Variants in GOLGA6L9 observed in about 807,000 individuals in gnomAD.
The protein encoded by GOLGA6L9 is golgin A6 family like 9.
In GOLGA6L9, 19 loss-of-function variants were observed where a neutral mutation model predicts 51.3. That is an observed-to-expected ratio of 0.37 (90% confidence interval 0.26 to 0.54). The LOEUF is 0.54. Among genes scored for constraint, GOLGA6L9 ranks in the 20% least tolerant of loss-of-function variants. The pLI, the probability that GOLGA6L9 is intolerant of heterozygous loss-of-function variation, is 0.83. For synonymous variants in GOLGA6L9, 97 were observed against 184.2 expected (o/e 0.53, Z 3.83); for missense variants, 247 against 464.1 (o/e 0.53, Z 4.30).
chr15:82,435,085 C>T, intron 7 of GOLGA6L9, 156 bp downstream of exon 7: 2 of 466,634 alleles, frequency 4.3e-6, no homozygotes, highest in African/African-American at 2.6e-5. Flanking sequence ...CTGTTTCTTG[C>T]TTCCTGCCCT....
At chr15:82,417,466 A>G in the GOLGA6L9 span, among the ~76,000 whole-genome samples, 2 of 152,218 alleles carry the variant, frequency 1.3e-5, no homozygotes, top group Non-Finnish European at 2.9e-5. Context: ...AAGTTTACTT[A>G]TCTTACTTAT....
At chr15:82,416,055 A>G in the GOLGA6L9 span, 2 of 152,232 alleles carry the variant, frequency 1.3e-5, no homozygotes, top group Non-Finnish European at 1.5e-5. Flanking sequence ...TAAAGCTGCA[A>G]AGAGTTGCTC....
At chr15:82,432,773 C>A (rs1248052574) in intron 3 of GOLGA6L9, 44 bp from the exon 4 acceptor site, 1 of 1,526,248 alleles carries the variant, frequency 6.6e-7, no homozygotes, top group African/African-American at 1.4e-5. Context: ...CTCTACCCCT[C>A]CCCACAATCT....
the GOLGA6L9 span, among the ~76,000 whole-genome samples, chr15:82,420,288 T>G: frequency 6.6e-6 from 1 of 152,050 alleles, no homozygotes; most frequent in Admixed American, 6.5e-5. Context: ...TATCTGATTG[T>G]TTAGTCTTTG....
Position 82,438,207 on chromosome 15 carries a change from A to AG in GOLGA6L9, c.*1796_*1797insG, listed in dbSNP as rs2031781016. ...CAAATCGCTTCACTTTTACCCTGAC[A>AG]CGTATAAATGACTAGGAATGACCTT... On this transcript the variant is annotated 3_prime_UTR_variant, in exon 9 of 9. Coordinates refer to ENST00000618348, the MANE Select transcript of GOLGA6L9 (RefSeq NM_198181.4). 1 of 148,276 alleles carries AG rather than the reference A, an allele frequency of 6.7e-6. No homozygotes were observed. The highest frequency in any genetic ancestry group is 1.5e-5 in the Non-Finnish European group (1 of 66,956). The allele number at this position is 148,276 out of a possible 1,614,324, so 9.2% of individuals were successfully genotyped here.
At position 82,434,182 on chromosome 15, in the gene GOLGA6L9, C is replaced by T. The variant is rs1336371603; in HGVS notation, c.582C>T (p.Asn194=). 4 of 1,544,038 alleles carry T rather than the reference C, an allele frequency of 2.6e-6. No individual in the cohort carries two copies. The highest frequency in any genetic ancestry group is 1.4e-5 in the African/African-American group (1 of 72,356). The change falls in exon 6 of 9, where the codon AAC becomes AAT. Residue 194 remains asparagine, a synonymous_variant. Transcript: ENST00000618348. ...ACAATCAGATGTTGAGTCTCCTGAA[C>T]AGGAGACAGGAGGAGAGGCTACGTG... ...VENNQMLSLL[N]RRQEERLREQ... is the part of the protein sequence containing the mutation.
chr15:82,429,125 A>C (rs1266538734), upstream of GOLGA6L9, among the ~76,000 whole-genome samples: 1 of 151,246 alleles, frequency 6.6e-6, no homozygotes, highest in Non-Finnish European at 1.5e-5. Context: ...CCCAGGCTGG[A>C]GTGCAGTGGC....
upstream of GOLGA6L9, among the ~76,000 whole-genome samples, chr15:82,429,370 T>C (rs1324967175): frequency 1.1e-4 from 16 of 152,298 alleles, no homozygotes; most frequent in Admixed American, 3.3e-4. Context: ...CCACCGCACC[T>C]GGCCCAAAAG....
In GOLGA6L9 at chr15:82,433,461, TCA is replaced by T. The variant is rs1225265146; in HGVS notation, c.346-98_346-97del. The T allele has an allele frequency of 4.8e-6, 3 of 627,364 alleles. No individual in the cohort carries two copies. In the African/African-American group the frequency reaches 5.6e-5, roughly 12 times the overall value. 38.9% of individuals were successfully genotyped at this position (627,364 alleles called of 1,614,324 possible). A position where few individuals can be genotyped will look rare whatever the true frequency, so the allele number is the denominator to read the frequency against. Reference sequence around the variant, plus strand: ...TGTTGAATGAATGCACGTTTCTAAATCACAAACTGGCAGAAGGGGGGTGGGCC... The same window carrying T: ...TGTTGAATGAATGCACGTTTCTAAATCAAACTGGCAGAAGGGGGGTGGGCC... On this transcript the variant is annotated intron_variant, in intron 4 of 8. Coordinates refer to ENST00000618348, the MANE Select transcript of GOLGA6L9 (RefSeq NM_198181.4).
chr15:82,432,414 A>G, intron 2 of GOLGA6L9, 158 bp from the exon 3 acceptor site: 1 of 1,289,460 alleles, frequency 7.8e-7, no homozygotes, highest in Non-Finnish European at 1.0e-6. Flanking sequence ...GGGAGATAAG[A>G]ACCACGAGAG....
At chr15:82,422,208 A>G in the GOLGA6L9 span, among the ~76,000 whole-genome samples, 1 of 149,324 alleles carries the variant, frequency 6.7e-6, no homozygotes, top group Non-Finnish European at 1.5e-5. Flanking sequence ...AGATATTAAA[A>G]TTATATTAGA....
At chr15:82,432,652 G>A in intron 3 of GOLGA6L9, 21 bp downstream of exon 3, 2 of 1,602,104 alleles carry the variant, frequency 1.2e-6, no homozygotes, top group Non-Finnish European at 1.7e-6. Context: ...CTGGGCCGAG[G>A]TGCAGTGACC....
chr15:82,433,097 C>G (rs1371455112), intron 4 of GOLGA6L9, among the ~76,000 whole-genome samples, 200 bp downstream of exon 4: 9 of 151,522 alleles, frequency 5.9e-5, no homozygotes, highest in Non-Finnish European at 1.2e-4. Context: ...TGCTGACTCT[C>G]TCTTCTCCAG....
At chr15:82,429,606 C>G (rs2031329384), upstream of GOLGA6L9, among the ~76,000 whole-genome samples, 1 of 152,064 alleles carries the variant, frequency 6.6e-6, no homozygotes, top group South Asian at 2.1e-4. Flanking sequence ...ACTTGTAATT[C>G]TTGTGCTCCA....
In GOLGA6L9 at chr15:82,438,311, A is replaced by T. The variant is rs1201569136; in HGVS notation, c.*1900A>T. On this transcript the variant is annotated 3_prime_UTR_variant, in exon 9 of 9. Coordinates refer to ENST00000618348, the MANE Select transcript of GOLGA6L9 (RefSeq NM_198181.4). ...CCTGTGGATTAAATCACATACTGGC[A>T]TATTTAAGCTGAATGTCAGTCTGAA... The T allele has an allele frequency of 6.6e-6, 1 of 150,472 alleles. No homozygotes were observed. Among genetic ancestry groups the T allele is most frequent in the African/African-American group, 2.4e-5 (1 of 40,872 alleles). The allele number at this position is 150,472 out of a possible 1,614,324, so 9.3% of individuals were successfully genotyped here.
upstream of GOLGA6L9, among the ~76,000 whole-genome samples, chr15:82,427,779 C>T (rs1227296705): frequency 2.6e-3 from 359 of 136,578 alleles, 1 homozygote; most frequent in African/African-American, 9.5e-3. Context: ...CCTCCCACCT[C>T]GGCTTGCCAA....
intron 4 of GOLGA6L9, among the ~76,000 whole-genome samples, chr15:82,433,289 T>C (rs1401935070): frequency 6.6e-6 from 1 of 151,922 alleles, no homozygotes; most frequent in East Asian, 1.9e-4. Context: ...GTAGAGAGTA[T>C]CAAAGGTCTC....
At chr15:82,424,503 TG>T in the GOLGA6L9 span, among the ~76,000 whole-genome samples, 2 of 152,254 alleles carry the variant, frequency 1.3e-5, no homozygotes, top group African/African-American at 4.8e-5. Context: ...TACCAAACAC[TG>T]CTAGATTAAA....
the GOLGA6L9 span, among the ~76,000 whole-genome samples, chr15:82,417,516 AT>A: frequency 6.6e-6 from 1 of 152,216 alleles, no homozygotes; most frequent in South Asian, 2.1e-4. Flanking sequence ...TTCTGTTTAG[AT>A]TTCAACAAAC....
Sources: gnomAD v4.1 joint callset for allele counts (sites outside exome capture counted in the v4.1 genomes callset) on GRCh38, gnomAD v4.1.1 for gene constraint, MANE v1.5 for transcripts, NCBI Gene and HGNC (gene_info 2026-07-23, HGNC 2026-07-21) for gene names.